Variants in NEBL observed in about 807,000 individuals in gnomAD.
NEBL encodes LIM and SH3 protein 2.
NEBL carries 122 observed loss-of-function variants against 140.2 expected under a neutral mutation model. That is an observed-to-expected ratio of 0.87 (90% CI 0.75 to 1.01). The LOEUF (loss-of-function observed/expected upper bound fraction) is 1.01, where lower values mean the gene tolerates loss of function less well. NEBL is among the 50% of genes least tolerant of loss of function. NEBL has a pLI of 0.00. For missense variants in NEBL, 1,365 were observed against 1,231.3 expected (o/e 1.11, Z -1.62); for synonymous variants, 436 against 398.9 (o/e 1.09, Z -1.11).
chr10:21,229,960 C>T lies in NEBL; in HGVS notation n.348+17961G>A, dbSNP rs542524554. Among the ~76,000 whole-genome samples the T allele has an allele frequency of 4.6e-5, 7 of 152,324 alleles. No individual in the cohort carries two copies. The South Asian group carries it at 1.5e-3, about 32-fold the overall frequency. Reference sequence around the variant, plus strand: ...TAGCTCGGTGCCCTGCATGGGGTGGCCACTCCGCTAATGTAGTTGGCAGGC... The same window carrying T: ...TAGCTCGGTGCCCTGCATGGGGTGGTCACTCCGCTAATGTAGTTGGCAGGC... On this transcript the variant is annotated intron_variant and non_coding_transcript_variant, in intron 3 of 8. Coordinates refer to the NEBL transcript ENST00000675702.
intron 26 of NEBL, among the ~76,000 whole-genome samples, chr10:20,800,458 G>T (rs538484173): frequency 3.7e-4 from 56 of 152,192 alleles, no homozygotes; most frequent in Middle Eastern, 3.4e-3. Context: ...TTTACAGGGT[G>T]GTGGTTTCAT....
chr10:20,845,469 G>A (rs1414653787), intron 11 of NEBL, 101 bp from the exon 12 acceptor site: 1 of 756,320 alleles, frequency 1.3e-6, no homozygotes, highest in Non-Finnish European at 2.3e-6. Context: ...TGTTTTCTTA[G>A]GTAGTTCTAC....
chr10:21,036,865 G>A (rs1025777957), intron 2 of NEBL, among the ~76,000 whole-genome samples: 7 of 152,132 alleles, frequency 4.6e-5, no homozygotes, highest in Non-Finnish European at 7.4e-5. Flanking sequence ...CAGACACCAG[G>A]TAGGGGGAGC....
At chr10:20,993,129 C>T (rs1053805429) in intron 3 of NEBL, among the ~76,000 whole-genome samples, 2 of 152,004 alleles carry the variant, frequency 1.3e-5, no homozygotes, top group African/African-American at 4.8e-5. Flanking sequence ...CTTTTTAAAA[C>T]AATCGTGTCT....
At chr10:20,939,672 G>A (rs1177862169) in intron 4 of NEBL, among the ~76,000 whole-genome samples, 1 of 152,028 alleles carries the variant, frequency 6.6e-6, no homozygotes, top group African/African-American at 2.4e-5. Context: ...CCATCCGTGT[G>A]CTGTATTCAG....
chr10:20,815,527 T>C, intron 22 of NEBL, 98 bp downstream of exon 22: 2 of 1,012,406 alleles, frequency 2.0e-6, no homozygotes, highest in South Asian at 1.3e-5. Flanking sequence ...CAAATGTTTC[T>C]TGAAAATAAG....
chr10:20,956,050 G>T (rs1043272759), intron 4 of NEBL, among the ~76,000 whole-genome samples: 1 of 152,056 alleles, frequency 6.6e-6, no homozygotes, highest in Non-Finnish European at 1.5e-5. Context: ...GGATGTATTT[G>T]TTTCTTTAAG....
Position 21,093,150 on chromosome 10 carries a change from CT to C in NEBL, c.165-72950del, listed in dbSNP as rs4025884. Among the ~76,000 whole-genome samples, 102 of 95,032 alleles carry C rather than the reference CT, an allele frequency of 1.1e-3. 2 individuals are homozygous for C. In the South Asian group the frequency reaches 0.02, roughly 18 times the overall value. 62.3% of individuals were successfully genotyped at this position (95,032 alleles called of 152,430 possible). On this transcript the variant is annotated intron_variant, in intron 2 of 6. Coordinates refer to the NEBL transcript ENST00000417816. ...TACTTTTATTCATTTAGCAACAAGT[CT>C]TTTTTTTTTTTTTTCCATTTTAGCA...
In NEBL at chr10:20,781,589, A is replaced by G. The variant is rs1443422126; in HGVS notation, c.*4158T>C. On this transcript the variant is annotated 3_prime_UTR_variant, in exon 28 of 28. Transcript: ENST00000377122. ...AAACTGGATACCATGTATCAAGCAC[A>G]AAAAATCCTATGGCATTCCCAGGAA... The G allele has an allele frequency of 1.3e-5, 2 of 152,256 alleles. No homozygotes were observed. Among genetic ancestry groups the G allele is most frequent in the African/African-American group, 4.8e-5 (2 of 41,462 alleles). The allele number at this position is 152,256 out of a possible 1,614,324, so 9.4% of individuals were successfully genotyped here.
intron 2 of NEBL, among the ~76,000 whole-genome samples, chr10:21,036,445 A>G (rs772676631): frequency 1.3e-5 from 2 of 152,136 alleles, no homozygotes; most frequent in African/African-American, 2.4e-5. Flanking sequence ...CACGGCAAGG[A>G]TCTGTCTCAA....
chr10:21,257,872 G>A (rs954605387), intron 1 of NEBL, among the ~76,000 whole-genome samples: 7 of 151,316 alleles, frequency 4.6e-5, no homozygotes, highest in South Asian at 2.1e-4. Flanking sequence ...GTGGCAGAGC[G>A]AGACTCCATC....
At chr10:21,230,992 T>C (rs750365273) in intron 3 of NEBL, among the ~76,000 whole-genome samples, 98 of 152,230 alleles carry the variant, frequency 6.4e-4, no homozygotes, top group Non-Finnish European at 2.4e-4. Context: ...ATTAAAATTC[T>C]GCTTTACTGT....
At chr10:21,021,127 C>T (rs563910450) in intron 2 of NEBL, among the ~76,000 whole-genome samples, 1 of 152,268 alleles carries the variant, frequency 6.6e-6, no homozygotes, top group African/African-American at 2.4e-5. Flanking sequence ...CTAGATTCCT[C>T]ACACATCCAA....
intron 4 of NEBL, among the ~76,000 whole-genome samples, chr10:20,938,423 C>T (rs548527506): frequency 2.0e-5 from 3 of 152,268 alleles, no homozygotes; most frequent in Middle Eastern, 6.8e-3. Flanking sequence ...GACATCCACA[C>T]CAAAAACCCA....
At chr10:21,209,903 G>A (rs947943087) in intron 3 of NEBL, among the ~76,000 whole-genome samples, 1 of 151,986 alleles carries the variant, frequency 6.6e-6, no homozygotes, top group African/African-American at 2.4e-5. Context: ...CTGGTGTCAC[G>A]CTTGTCAGGA....
chr10:21,036,647 G>C (rs1834027393), intron 2 of NEBL, among the ~76,000 whole-genome samples: 1 of 152,038 alleles, frequency 6.6e-6, no homozygotes, highest in African/African-American at 2.4e-5. Context: ...AGTGCATTCA[G>C]ATCAGCTGGC....
At chr10:21,179,367 A>G, upstream of NEBL, among the ~76,000 whole-genome samples, 1 of 152,182 alleles carries the variant, frequency 6.6e-6, no homozygotes, top group East Asian at 1.9e-4. Context: ...GGTCCTGCAT[A>G]CCACTGAGGC....
rs139316596 is a variant in NEBL at position 21,164,331 on chromosome 10, T to C, written c.164+8052A>G. ...TTCTAAGCCCTCGAGGACAAGGGTG[T>C]CATGCATGGCTATGTCTGTATCTCT... is the stretch of plus-strand genomic sequence containing the variant. On this transcript the variant is annotated intron_variant, in intron 2 of 6. Coordinates refer to the NEBL transcript ENST00000417816. Among the ~76,000 whole-genome samples, 583 of 152,276 alleles carry C rather than the reference T, an allele frequency of 3.8e-3. 7 individuals are homozygous for C. Among genetic ancestry groups the C allele is most frequent in the African/African-American group, 0.014 (562 of 41,558 alleles).
At chr10:21,200,064 C>T (rs1317023167) in intron 3 of NEBL, among the ~76,000 whole-genome samples, 3 of 152,118 alleles carry the variant, frequency 2.0e-5, no homozygotes, top group South Asian at 2.1e-4. Flanking sequence ...CTCCAGAACA[C>T]CCCATGGGAT....
Sources: allele counts gnomAD v4.1 joint callset (sites outside exome capture counted in the v4.1 genomes callset), GRCh38; gene constraint gnomAD v4.1.1; transcripts MANE v1.5; gene names NCBI Gene and HGNC (gene_info 2026-07-23, HGNC 2026-07-21).